Variants in RNF166 observed in about 807,000 individuals in gnomAD.
RNF166 encodes E3 ubiquitin-protein ligase RNF166.
A neutral mutation model predicts 29.4 loss-of-function variants in RNF166; 19 were observed. The observed-to-expected ratio is 0.65, with a 90% confidence interval of 0.45 to 0.95. RNF166 has a LOEUF of 0.95. RNF166 is among the 40% of genes least tolerant of loss of function. RNF166 has a pLI of 0.00. For synonymous variants in RNF166, 171 were observed against 134.5 expected, an observed-to-expected ratio of 1.27 and a Z score of -1.88; for missense variants, 347 against 322.1, an observed-to-expected ratio of 1.08 and a Z score of -0.59.
chr16:88,700,225 A>T (rs1910076200), intron 2 of RNF166, among the ~76,000 whole-genome samples: 1 of 152,132 alleles, frequency 6.6e-6, no homozygotes, highest in African/African-American at 2.4e-5. Context: ...CCTGGACTCA[A>T]GCTCGGCACC....
At chr16:88,703,722 G>T (rs775238649) in intron 1 of RNF166, 2 of 985,398 alleles carry the variant, frequency 2.0e-6, no homozygotes, top group Non-Finnish European at 2.4e-6. Flanking sequence ...GGGTGTGGGG[G>T]CGTCGACAGC....
intron 1 of RNF166, chr16:88,703,411 G>C: frequency 1.0e-6 from 1 of 985,512 alleles, no homozygotes; most frequent in Non-Finnish European, 1.2e-6. Flanking sequence ...AGAGAGGAAA[G>C]GTGCCCAGAA....
intron 2 of RNF166, chr16:88,700,982 C>G: frequency 7.5e-7 from 1 of 1,327,426 alleles, no homozygotes; most frequent in Non-Finnish European, 9.7e-7. Context: ...GGTCCTTACC[C>G]TGGCCACAAC....
At chr16:88,705,099 G>C (rs1435922555) in intron 1 of RNF166, among the ~76,000 whole-genome samples, 1 of 152,262 alleles carries the variant, frequency 6.6e-6, no homozygotes, top group Non-Finnish European at 1.5e-5. Flanking sequence ...AGTAGGTAGA[G>C]CTGTCCCAGC....
chr16:88,701,075 C>T, intron 2 of RNF166, 187 bp downstream of exon 2: 1 of 1,311,894 alleles, frequency 7.6e-7, no homozygotes. Context: ...GCCGTCACCA[C>T]AGGAAGTGAG....
chr16:88,699,728 G>T lies in RNF166; in HGVS notation c.317C>A (p.Thr106Asn). The change falls in exon 3 of 6, where the codon ACC becomes AAC. Residue 106 changes from threonine to asparagine, a missense_variant. By Grantham distance (65) the Thr-to-Asn change is moderately conservative. Coordinates refer to ENST00000312838, the MANE Select transcript of RNF166 (RefSeq NM_178841.4). ...AATGTGCACTCTCATCTTTGCCAGG[G>T]TCACCTAGGAGACAGGGCAGGGAGG... ...APCRGCNKKVTLAKMRVHISS... is the reference protein window; with the variant it reads ...APCRGCNKKVNLAKMRVHISS... 6.2e-7 allele frequency: 1 copy of T among 1,612,216 alleles called. No homozygotes were observed. The highest frequency in any genetic ancestry group is 8.5e-7 in the Non-Finnish European group (1 of 1,179,252).
chr16:88,706,317 C>T lies in RNF166; in HGVS notation c.9G>A (p.Met3Ile), dbSNP rs1243306158. 3.3e-6 allele frequency: 4 copies of T among 1,228,510 alleles called. No homozygotes were observed. Among genetic ancestry groups the T allele is most frequent in the African/African-American group, 3.2e-5 (2 of 62,944 alleles). 76.1% of individuals were successfully genotyped at this position (1,228,510 alleles called of 1,614,324 possible). A position where few individuals can be genotyped will look rare whatever the true frequency, so the allele number is the denominator to read the frequency against. The part of the protein sequence containing the change: MA[M>I]FRSLVASAQQ... ...GAGCCGAGGCCACCAGGCTGCGGAA[C>T]ATAGCCATCCCGGGGCCAGGCCCGC... Residue 3 changes from methionine to isoleucine, a missense_variant, in exon 1 of 6, where the codon ATG becomes ATA. Coordinates refer to ENST00000312838, the MANE Select transcript of RNF166 (RefSeq NM_178841.4).
At chr16:88,698,733 T>G (rs1365747551) in intron 4 of RNF166, 124 bp from the exon 5 acceptor site, 1 of 715,958 alleles carries the variant, frequency 1.4e-6, no homozygotes, top group Admixed American at 2.8e-5. Flanking sequence ...ACCCCAGACC[T>G]GGAGGCGCGT....
intron 1 of RNF166, among the ~76,000 whole-genome samples, chr16:88,704,680 C>T (rs1910590181): frequency 6.6e-6 from 1 of 152,160 alleles, no homozygotes; most frequent in Non-Finnish European, 1.5e-5. Flanking sequence ...CTTCAAACAC[C>T]CGCTACCTGC....
chr16:88,701,143 G>A (rs918456287), intron 2 of RNF166, 119 bp downstream of exon 2: 47 of 1,359,836 alleles, frequency 3.5e-5, no homozygotes, highest in Non-Finnish European at 4.6e-5. Flanking sequence ...CAGGAGCAGA[G>A]ACCGCGATTA....
rs867669522 is a variant in RNF166, at chr16:88,698,565, G to A, written c.585C>T (p.Tyr195=). ...CSAMPWGDPS[Y]KSANFLQHLL... ...GGTGCTGCAGGAAGTTGGCGCTCTT[G>A]TAGCTGGGGTCCCCCCAGGGCATTG... The change falls in exon 5 of 6, where the codon TAC becomes TAT. Residue 195 remains tyrosine (Y), a synonymous_variant. Transcript: ENST00000312838. 2 of 1,568,104 alleles carry A rather than the reference G, an allele frequency of 1.3e-6. No homozygotes were observed. Among genetic ancestry groups the A allele is most frequent in the African/African-American group, 1.4e-5 (1 of 73,648 alleles).
chr16:88,700,931 C>A lies in RNF166; in HGVS notation c.312+331G>T, dbSNP rs918520822. The A allele has an allele frequency of 4.3e-5, 50 of 1,170,054 alleles. 1 individual carries two copies. The East Asian group carries it at 2.9e-3, about 67-fold the overall frequency. The allele number at this position is 1,170,054 out of a possible 1,614,324, so 72.5% of individuals were successfully genotyped here. ...CAGCGCCGTCCCCGGTATCGGCTGG[C>A]AGGGGAAGGCTGCATTGGGAAGGTT... On this transcript the variant is annotated intron_variant, in intron 2 of 5. Transcript: ENST00000312838.
intron 1 of RNF166, chr16:88,701,715 A>AG (rs913272700): frequency 1.4e-5 from 5 of 350,894 alleles, no homozygotes; most frequent in African/African-American, 2.1e-5. Context: ...GAGCTCCCAT[A>AG]GGCAGGAGGC....
chr16:88,699,837 C>G, intron 2 of RNF166, 105 bp from the exon 3 acceptor site: 1 of 730,562 alleles, frequency 1.4e-6, no homozygotes, highest in Non-Finnish European at 2.2e-6. Context: ...TGTAAGCAAG[C>G]GTCTGTGTTG....
intron 5 of RNF166, 81 bp downstream of exon 5, chr16:88,698,421 C>T: frequency 1.8e-6 from 2 of 1,134,864 alleles, no homozygotes; most frequent in Admixed American, 2.0e-5. Flanking sequence ...CCCTGCGGAC[C>T]CTGAGGCTGG....
In RNF166 at chr16:88,699,697, G is replaced by A. The variant is rs767078776; in HGVS notation, c.348C>T (p.Ser116=). The change falls in exon 3 of 6, where the codon TCC becomes TCT. Residue 116 remains serine, a synonymous_variant. Coordinates refer to ENST00000312838, the MANE Select transcript of RNF166 (RefSeq NM_178841.4). ...CCATCTGCTCCTGGACCTTCAGGCA[G>A]GACGAAATGTGCACTCTCATCTTTG... ...TLAKMRVHIS[S]CLKVQEQMAN... The A allele has an allele frequency of 8.1e-6, 13 of 1,613,246 alleles. No individual in the cohort carries two copies. In the African/African-American group the frequency reaches 1.7e-4, roughly 22 times the overall value.
intron 1 of RNF166, chr16:88,704,388 C>T: frequency 1.0e-6 from 1 of 985,430 alleles, no homozygotes; most frequent in Non-Finnish European, 1.2e-6. Flanking sequence ...GGATGGTCGT[C>T]ATTCTACCAA....
At position 88,698,477 on chromosome 16, in the gene RNF166, AGGACGGTGCTGGC is replaced by A. The variant is rs1307832393; in HGVS notation, c.648+12_648+24del. ...AGGGTGGATGAGGAGGGCGTGGGGG[AGGACGGTGCTGGC>A]GGGATGCCTACCACAAAGGTGTCGT... On this transcript the variant is annotated intron_variant, in intron 5 of 5. Transcript: ENST00000312838. 6.6e-7 allele frequency: 1 copy of A among 1,522,246 alleles called. No individual in the cohort carries two copies. The highest frequency in any genetic ancestry group is 1.9e-5 in the Admixed American group (1 of 51,424). The allele number at this position is 1,522,246 out of a possible 1,614,324, so 94.3% of individuals were successfully genotyped here.
At position 88,697,860 on chromosome 16, in the gene RNF166, G is replaced by A. The variant is rs1909788899; in HGVS notation, c.649-227C>T. On this transcript the variant is annotated intron_variant, in intron 5 of 5. Transcript: ENST00000312838. ...CGCTGGGTACGGGGGCACTCGGAAT[G>A]GATGGCTGCTGGTTCAGGTCGGACT... 4 of 517,458 alleles carry A rather than the reference G, an allele frequency of 7.7e-6. No homozygotes were observed. In the South Asian group the frequency reaches 9.9e-5, roughly 13 times the overall value. 32.1% of individuals were successfully genotyped at this position (517,458 alleles called of 1,614,324 possible).
Sources: gnomAD v4.1 joint callset for allele counts (sites outside exome capture counted in the v4.1 genomes callset) on GRCh38, gnomAD v4.1.1 for gene constraint, MANE v1.5 for transcripts, NCBI Gene and HGNC (gene_info 2026-07-23, HGNC 2026-07-21) for gene names.